MRPS18B: variants seen among roughly 807,000 people sequenced by gnomAD.
The protein encoded by MRPS18B is small ribosomal subunit protein mS40.
A neutral mutation model predicts 28.4 loss-of-function variants in MRPS18B; 27 were observed. That is an observed-to-expected ratio of 0.95 (90% CI 0.70 to 1.31). The LOEUF (loss-of-function observed/expected upper bound fraction) is 1.31, where lower values mean the gene tolerates loss of function less well. MRPS18B is among the 40% of genes most tolerant of loss of function. MRPS18B has a pLI of 0.00. For missense variants in MRPS18B, 343 were observed against 335.9 expected (o/e 1.02, Z -0.17); for synonymous variants, 118 against 123.7 (o/e 0.95, Z 0.30).
rs1351659971 is a variant in MRPS18B, at chr6:30,619,968, C to T, written c.333C>T (p.His111=). 6.2e-7 allele frequency: 1 copy of T among 1,614,104 alleles called. No homozygotes were observed. Among genetic ancestry groups the T allele is most frequent in the Non-Finnish European group, 8.5e-7 (1 of 1,179,960 alleles). ...ATCCCTGCCCCATCTGTCGAGATCACAAGTTGCATGTTGACTTTAGGGTAA... is the reference window on the plus strand; with the variant it reads ...ATCCCTGCCCCATCTGTCGAGATCATAAGTTGCATGTTGACTTTAGGGTAA... ...VGNPCPICRD[H]KLHVDFRNVK... The change falls in exon 4 of 7, where the codon CAC becomes CAT. Residue 111 remains histidine, a synonymous_variant. Transcript: ENST00000259873.
At chr6:30,618,084 C>CCCG in intron 1 of MRPS18B, 141 bp downstream of exon 1, 1 of 807,676 alleles carries the variant, frequency 1.2e-6, no homozygotes, top group Non-Finnish European at 2.0e-6. Context: ...GCAACCCCCC[C>CCCG]CCCACACCCC....
In MRPS18B at chr6:30,620,329, A is replaced by T. The variant is rs3778627; in HGVS notation, c.354+340A>T. 4.4e-3 allele frequency among the ~76,000 whole-genome samples: 675 copies of T among 151,990 alleles called. 6 individuals carry two copies. Among genetic ancestry groups the T allele is most frequent in the East Asian group, 0.019 (97 of 5,174 alleles). ...GAGACTCCGTCTCAAAAAAAAAATA[A>T]AATAAAATAAAAAAAATTAAAAAGA... On this transcript the variant is annotated intron_variant, in intron 4 of 6. Coordinates refer to ENST00000259873, the MANE Select transcript of MRPS18B (RefSeq NM_014046.4).
intron 1 of MRPS18B, 128 bp from the exon 2 acceptor site, chr6:30,619,365 A>T: frequency 1.5e-6 from 1 of 681,128 alleles, no homozygotes; most frequent in Non-Finnish European, 2.5e-6. Flanking sequence ...TACTTAACTT[A>T]CATATGCATT....
rs1257911971 is a variant in MRPS18B at position 30,622,865 on chromosome 6, C to A, written c.388C>A (p.His130Asn). ...GCTCTTGGAGCAATTTGTCTGCGCC[C>A]ACACGGGTATCATCTTCTATGCTCC... is the stretch of plus-strand genomic sequence containing the variant. ...VKLLEQFVCAHTGIIFYAPYT... is the reference protein window; with the variant it reads ...VKLLEQFVCANTGIIFYAPYT... Residue 130 changes from histidine to asparagine, a missense_variant, in exon 5 of 7, where the codon CAC becomes AAC. Physicochemically the swap from His to Asn is moderately conservative, Grantham distance 68. Coordinates refer to ENST00000259873, the MANE Select transcript of MRPS18B (RefSeq NM_014046.4). The A allele has an allele frequency of 6.2e-7, 1 of 1,613,060 alleles. No individual in the cohort carries two copies.
At chr6:30,622,766 T>C (rs1038552483) in intron 4 of MRPS18B, 66 bp from the exon 5 acceptor site, 30 of 1,484,588 alleles carry the variant, frequency 2.0e-5, no homozygotes, top group African/African-American at 6.9e-5. Context: ...GTACTTTCGA[T>C]GTCCAAAGAT....
chr6:30,617,957 A>G lies in MRPS18B; in HGVS notation c.78+14A>G, dbSNP rs755941348. 1.2e-6 allele frequency: 2 copies of G among 1,614,020 alleles called. No individual in the cohort carries two copies. The highest frequency in any genetic ancestry group is 1.7e-6 in the Non-Finnish European group (2 of 1,179,918). On this transcript the variant is annotated intron_variant, in intron 1 of 6. Transcript: ENST00000259873. ...CACAGAGTTCAGGTAACTCTTCGAAAGACATTTTGCACAACCTCAAGTTGG... is the reference window on the plus strand; with the variant it reads ...CACAGAGTTCAGGTAACTCTTCGAAGGACATTTTGCACAACCTCAAGTTGG...
In MRPS18B at chr6:30,617,941, C is replaced by T. The variant is rs1384098917; in HGVS notation, c.76C>T (p.Gln26Ter). 6.2e-7 allele frequency: 1 copy of T among 1,614,028 alleles called. No individual in the cohort carries two copies. The highest frequency in any genetic ancestry group is 8.5e-7 in the Non-Finnish European group (1 of 1,180,022). ...TCTCTTCCGAGGTTCTCACAGAGTTCAGGTAACTCTTCGAAAGACATTTTG... is the reference window on the plus strand; with the variant it reads ...TCTCTTCCGAGGTTCTCACAGAGTTTAGGTAACTCTTCGAAAGACATTTTG... The part of the protein sequence containing the change: ...LSLFRGSHRV[Q>*]VPLQTLCTKA... The change falls in exon 1 of 7, where the codon CAG (glutamine) becomes TAG (stop). Residue 26 changes from glutamine (Q) to a stop codon, truncating the protein, a stop_gained and splice_region_variant. Coordinates refer to ENST00000259873, the MANE Select transcript of MRPS18B (RefSeq NM_014046.4). LOFTEE classifies it high-confidence loss of function.
intron 1 of MRPS18B, 25 bp downstream of exon 1, chr6:30,617,968 A>G: frequency 6.2e-7 from 1 of 1,613,454 alleles, no homozygotes; most frequent in Non-Finnish European, 8.5e-7. Flanking sequence ...GACATTTTGC[A>G]CAACCTCAAG....
rs759296121 is a variant in MRPS18B, at chr6:30,619,597, A to C, written c.183A>C (p.Ser61=). The change falls in exon 2 of 7, where the codon TCA becomes TCC. Residue 61 remains serine, a synonymous_variant. Coordinates refer to ENST00000259873, the MANE Select transcript of MRPS18B (RefSeq NM_014046.4). ...YKDEPWKYLE[S]EEYQERYGSR... Reference sequence around the variant, plus strand: ...ATGAGCCCTGGAAATATCTGGAATCAGAAGGTACCTCTAAAGGGGGAAAGG... The same window carrying C: ...ATGAGCCCTGGAAATATCTGGAATCCGAAGGTACCTCTAAAGGGGGAAAGG... 6.2e-7 allele frequency: 1 copy of C among 1,612,414 alleles called. No homozygotes were observed. Among genetic ancestry groups the C allele is most frequent in the Non-Finnish European group, 8.5e-7 (1 of 1,179,390 alleles).
At chr6:30,619,463 A>G (rs1002757562) in intron 1 of MRPS18B, 30 bp from the exon 2 acceptor site, 1 of 1,574,614 alleles carries the variant, frequency 6.4e-7, no homozygotes, top group Non-Finnish European at 8.7e-7. Context: ...CCTTAAACTC[A>G]TTCTTTTATT....
chr6:30,618,472 C>T (rs1397587230), intron 1 of MRPS18B: 1 of 154,438 alleles, frequency 6.5e-6, no homozygotes, highest in Non-Finnish European at 1.4e-5. Context: ...TCTCAGCTCT[C>T]TTTATTAAAT....
chr6:30,625,464 A>G lies in MRPS18B; in HGVS notation c.482-38A>G, dbSNP rs1417869239. On this transcript the variant is annotated intron_variant, in intron 6 of 6. Coordinates refer to ENST00000259873, the MANE Select transcript of MRPS18B (RefSeq NM_014046.4). The stretch of plus-strand genomic sequence containing the variant: ...TTACTTCATCTAAACCACCCTCCTC[A>G]TTGCCTCTTAAATTTCTTTTCTTTT... 2.0e-6 allele frequency: 3 copies of G among 1,493,654 alleles called. No homozygotes were observed. In the African/African-American group the frequency reaches 4.2e-5, roughly 21 times the overall value. 92.5% of individuals were successfully genotyped at this position (1,493,654 alleles called of 1,614,324 possible).
chr6:30,622,849 G>C lies in MRPS18B; in HGVS notation c.372G>C (p.Glu124Asp). The C allele has an allele frequency of 6.2e-7, 1 of 1,613,070 alleles. No individual in the cohort carries two copies. ...CCCCACAGAACGTGAAGCTCTTGGA[G>C]CAATTTGTCTGCGCCCACACGGGTA... ...HVDFRNVKLL[E>D]QFVCAHTGII... The change falls in exon 5 of 7, where the codon GAG becomes GAC. Residue 124 changes from glutamate to aspartate, a missense_variant. By Grantham distance (45) the Glu-to-Asp change is conservative (BLOSUM62 2). Transcript: ENST00000259873.
At chr6:30,621,360 C>T (rs1186599495) in intron 4 of MRPS18B, among the ~76,000 whole-genome samples, 2 of 152,306 alleles carry the variant, frequency 1.3e-5, no homozygotes, top group East Asian at 3.9e-4. Flanking sequence ...TGAGATTGCA[C>T]CACTGCACTC....
chr6:30,619,312 G>A (rs761261509), intron 1 of MRPS18B, among the ~76,000 whole-genome samples, 181 bp from the exon 2 acceptor site: 27 of 152,154 alleles, frequency 1.8e-4, no homozygotes, highest in Non-Finnish European at 3.4e-4. Flanking sequence ...TTGTAGAAAA[G>A]GAGAGTGGTT....
intron 4 of MRPS18B, among the ~76,000 whole-genome samples, chr6:30,621,173 A>C (rs1201794540): frequency 1.3e-5 from 2 of 152,010 alleles, no homozygotes; most frequent in Non-Finnish European, 2.9e-5. Context: ...AGGCCCAGGC[A>C]GGTGCTTCAC....
chr6:30,621,337 G>T (rs991817652), intron 4 of MRPS18B, among the ~76,000 whole-genome samples: 2 of 152,236 alleles, frequency 1.3e-5, no homozygotes, highest in Admixed American at 6.5e-5. Flanking sequence ...GGGAGGCGGA[G>T]GTTGCAGTGA....
In MRPS18B at chr6:30,624,938, TCATGGTGAG is replaced by T. The variant is rs887688966; in HGVS notation, c.481+1_481+9del. 11 of 1,612,876 alleles carry T rather than the reference TCATGGTGAG, an allele frequency of 6.8e-6. No individual in the cohort carries two copies. In the African/African-American group the frequency reaches 1.3e-4, roughly 20 times the overall value. On this transcript the variant is annotated splice_donor_variant and splice_donor_5th_base_variant and coding_sequence_variant and intron_variant, in exon 6 of 7. Transcript: ENST00000259873. LOFTEE classifies it high-confidence loss of function. ...CCCAGGCCATCCAGAAAGCCAGGGA[TCATGGTGAG>T]CATGAGACGGGGCACACAGCAGTTT...
In MRPS18B at chr6:30,626,166, A is replaced by T. The variant is rs1582722280; in HGVS notation, c.*369A>T. The T allele has an allele frequency of 1.7e-5, 4 of 233,680 alleles. No individual in the cohort carries two copies. The East Asian group carries it at 3.5e-4, about 21-fold the overall frequency. 14.5% of individuals were successfully genotyped at this position (233,680 alleles called of 1,614,324 possible). A position where few individuals can be genotyped will look rare whatever the true frequency, so the allele number is the denominator to read the frequency against. ...GATAATGTGTATGTAGGTTTATGTG[A>T]TGGGATATCACCCTGAAGAGTTGTG... On this transcript the variant is annotated 3_prime_UTR_variant, in exon 7 of 7. Transcript: ENST00000259873.
Sources: allele counts gnomAD v4.1 joint callset (sites outside exome capture counted in the v4.1 genomes callset), GRCh38; gene constraint gnomAD v4.1.1; transcripts MANE v1.5; gene names NCBI Gene and HGNC (gene_info 2026-07-23, HGNC 2026-07-21).